Variants in ALLC observed in about 807,000 individuals in gnomAD.
The protein encoded by ALLC is allantoicase.
ALLC carries 40 observed loss-of-function variants against 45.0 expected under a neutral mutation model. The observed-to-expected ratio is 0.89, with a 90% confidence interval of 0.69 to 1.16. The LOEUF (loss-of-function observed/expected upper bound fraction) is 1.16, where lower values mean the gene tolerates loss of function less well. ALLC is among the 50% of genes most tolerant of loss of function. The probability of loss-of-function intolerance (pLI) is 0.00; values close to 1 mark genes in which losing one functional copy is unlikely to be tolerated. For missense variants in ALLC, 488 were observed against 493.1 expected, an observed-to-expected ratio of 0.99 and a Z score of 0.10; for synonymous variants, 176 against 178.1, an observed-to-expected ratio of 0.99 and a Z score of 0.09.
upstream of ALLC, among the ~76,000 whole-genome samples, chr2:3,657,028 A>G (rs1451552793): frequency 1.3e-5 from 2 of 152,338 alleles, no homozygotes; most frequent in Middle Eastern, 3.4e-3. Flanking sequence ...AAGAACTGCC[A>G]GGGACGAAGC....
chr2:3,678,461 G>T lies in ALLC; in HGVS notation c.85-7G>T. On this transcript the variant is annotated splice_polypyrimidine_tract_variant and splice_region_variant and intron_variant, in intron 3 of 11. Coordinates refer to ENST00000252505, the MANE Select transcript of ALLC (RefSeq NM_018436.4). ...TAATGATCACCTTGTTGTGGTCTTTGCCCTAGAGTGACAGCCCGTGCTTCA... is the reference window on the plus strand; with the variant it reads ...TAATGATCACCTTGTTGTGGTCTTTTCCCTAGAGTGACAGCCCGTGCTTCA... The T allele has an allele frequency of 6.2e-7, 1 of 1,612,390 alleles. No homozygotes were observed. Among genetic ancestry groups the T allele is most frequent in the Non-Finnish European group, 8.5e-7 (1 of 1,178,444 alleles).
At chr2:3,697,259 C>T (rs1667698646) in intron 9 of ALLC, 89 bp from the exon 10 acceptor site, 6 of 929,630 alleles carry the variant, frequency 6.5e-6, no homozygotes, top group East Asian at 4.8e-5. Flanking sequence ...AAAAGAAACA[C>T]GTCAACCTTT....
At chr2:3,692,661 A>T (rs1340545071) in intron 7 of ALLC, among the ~76,000 whole-genome samples, 1 of 152,188 alleles carries the variant, frequency 6.6e-6, no homozygotes, top group Admixed American at 6.5e-5. Context: ...GTGGTGTGGG[A>T]AGGTTAGCTA....
intron 8 of ALLC, among the ~76,000 whole-genome samples, 194 bp downstream of exon 8, chr2:3,696,066 A>T (rs1667661614): frequency 6.6e-6 from 1 of 152,200 alleles, no homozygotes; most frequent in South Asian, 2.1e-4. Flanking sequence ...TTTCTACCTA[A>T]TTTTGGCCTA....
intron 7 of ALLC, among the ~76,000 whole-genome samples, chr2:3,691,879 A>AT (rs1188252539): frequency 2.0e-5 from 3 of 151,822 alleles, no homozygotes; most frequent in African/African-American, 7.3e-5. Flanking sequence ...TGCTTGCTTC[A>AT]TTCTATTCTT....
intron 3 of ALLC, among the ~76,000 whole-genome samples, chr2:3,677,781 A>T (rs982189131): frequency 6.6e-6 from 1 of 152,216 alleles, no homozygotes; most frequent in Admixed American, 6.5e-5. Flanking sequence ...CTAAGCAGTA[A>T]CGTAAGATCC....
At chr2:3,672,380 G>C (rs1175507967) in intron 2 of ALLC, among the ~76,000 whole-genome samples, 1 of 131,300 alleles carries the variant, frequency 7.6e-6, no homozygotes, top group Non-Finnish European at 1.6e-5. Context: ...GCTCTATTTA[G>C]ATCCGAGGTC....
chr2:3,698,605 G>T (rs940581912), intron 10 of ALLC, among the ~76,000 whole-genome samples: 1 of 152,212 alleles, frequency 6.6e-6, no homozygotes, highest in Admixed American at 6.5e-5. Flanking sequence ...AAATACATAT[G>T]TGTATTATTA....
chr2:3,669,987 G>C (rs924000430), intron 1 of ALLC, among the ~76,000 whole-genome samples: 4 of 152,168 alleles, frequency 2.6e-5, no homozygotes, highest in African/African-American at 9.7e-5. Flanking sequence ...AATGACTCTG[G>C]TTGACATCAC....
At chr2:3,688,618 G>A in intron 7 of ALLC, 1 of 193,836 alleles carries the variant, frequency 5.2e-6, no homozygotes, top group South Asian at 8.8e-5. Flanking sequence ...CAGCAGAGGG[G>A]GCAGAGATGG....
intron 8 of ALLC, 146 bp downstream of exon 8, chr2:3,696,018 AT>A: frequency 2.0e-6 from 2 of 1,023,584 alleles, no homozygotes; most frequent in Non-Finnish European, 1.4e-6. Flanking sequence ...GTAGGATTTG[AT>A]GCCTTTATGA....
At chr2:3,673,310 G>A (rs12996655) in intron 2 of ALLC, among the ~76,000 whole-genome samples, 34,038 of 152,170 alleles carry the variant, frequency 0.22, 4,019 homozygotes, top group African/African-American at 0.28. Context: ...AGGAGCCACA[G>A]AGAGATCTGG....
Position 3,662,740 on chromosome 2 carries a change from G to A in ALLC, c.-63+4446G>A, listed in dbSNP as rs1388818025. Among the ~76,000 whole-genome samples the A allele has an allele frequency of 6.6e-5, 10 of 152,158 alleles. No homozygotes were observed. In the East Asian group the frequency reaches 1.3e-3, roughly 20 times the overall value. ...TCTAGCCTGCAGTCACCCTACTCTC[G>A]AAAGAGAATAGTTCTTGACACATAA... On this transcript the variant is annotated intron_variant, in intron 1 of 11. Transcript: ENST00000252505.
chr2:3,695,601 G>T, intron 7 of ALLC, 116 bp from the exon 8 acceptor site: 1 of 1,125,232 alleles, frequency 8.9e-7, no homozygotes, highest in Admixed American at 2.1e-5. Context: ...AACAGCAGGT[G>T]GGTGTGGCCA....
chr2:3,694,680 G>A (rs1391941048), intron 7 of ALLC: 1 of 151,976 alleles, frequency 6.6e-6, no homozygotes, highest in Non-Finnish European at 1.5e-5. Context: ...TATTTTCTAG[G>A]GTTTTATGCC....
At chr2:3,647,172 C>T in the ALLC span, among the ~76,000 whole-genome samples, 1 of 152,094 alleles carries the variant, frequency 6.6e-6, no homozygotes, top group Non-Finnish European at 1.5e-5. Context: ...ACACAGGGAC[C>T]ATGTGAATGT....
At position 3,697,446 on chromosome 2, in the gene ALLC, A is replaced by C. The variant is rs569301818; in HGVS notation, c.840A>C (p.Lys280Asn). 3 of 1,613,582 alleles carry C rather than the reference A, an allele frequency of 1.9e-6. No individual in the cohort carries two copies. The highest frequency in any genetic ancestry group is 1.3e-5 in the African/African-American group (1 of 75,040). Residue 280 changes from lysine to asparagine, a missense_variant, in exon 10 of 12, where the codon AAA becomes AAC. Coordinates refer to ENST00000252505, the MANE Select transcript of ALLC (RefSeq NM_018436.4). ...TAACTCGAATTGAAATTGACACAAAATATTTTGAAGGTAAATGCAAAGCCA... is the reference window on the plus strand; with the variant it reads ...TAACTCGAATTGAAATTGACACAAACTATTTTGAAGGTAAATGCAAAGCCA... Reference protein sequence around the residue: ...GVITRIEIDTKYFEGNAPDSC... With the variant: ...GVITRIEIDTNYFEGNAPDSC...
chr2:3,680,899 C>T lies in ALLC; in HGVS notation c.299-735C>T, dbSNP rs1240559980. ...TAATCAGACATTGACATGGCAGATT[C>T]GCATCCAAGATGGAGTCACTTTGTC... is the stretch of plus-strand genomic sequence containing the variant. On this transcript the variant is annotated intron_variant, in intron 5 of 11. Transcript: ENST00000252505. This position sits in a 1 kb window ranked among gnomAD's most constrained non-coding sequence, Gnocchi z 4.0. 6.6e-6 allele frequency among the ~76,000 whole-genome samples: 1 copy of T among 152,084 alleles called. No homozygotes were observed. Among genetic ancestry groups the T allele is most frequent in the Non-Finnish European group, 1.5e-5 (1 of 68,010 alleles).
upstream of ALLC, among the ~76,000 whole-genome samples, chr2:3,655,125 C>T (rs367950350): frequency 6.6e-6 from 1 of 152,212 alleles, no homozygotes; most frequent in Admixed American, 6.5e-5. Flanking sequence ...CTGCTGGCCT[C>T]TCTGCAGGGC....
Sources: gnomAD v4.1 joint callset for allele counts (sites outside exome capture counted in the v4.1 genomes callset) on GRCh38, gnomAD v4.1.1 for gene constraint, Gnocchi (gnomAD v3.1) non-coding constraint, MANE v1.5 for transcripts, NCBI Gene and HGNC (gene_info 2026-07-23, HGNC 2026-07-21) for gene names.